Variants in MSRB3 observed in about 807,000 individuals in gnomAD.
The protein encoded by MSRB3 is methionine-R-sulfoxide reductase B3.
MSRB3 carries 13 observed loss-of-function variants against 21.0 expected under a neutral mutation model. That is an observed-to-expected ratio of 0.62 (90% confidence interval 0.40 to 0.98). The LOEUF (loss-of-function observed/expected upper bound fraction) is 0.98. Ranked by LOEUF, MSRB3 falls within the 50% of genes least tolerant of loss-of-function variation. The pLI, the probability that MSRB3 is intolerant of heterozygous loss-of-function variation, is 0.00. For missense variants in MSRB3, 199 were observed against 230.3 expected (o/e 0.86, Z 0.88); for synonymous variants, 87 against 88.6 (o/e 0.98, Z 0.10).
intron 6 of MSRB3, among the ~76,000 whole-genome samples, chr12:65,456,099 A>C (rs897764356): frequency 6.6e-6 from 1 of 152,230 alleles, no homozygotes; most frequent in African/African-American, 2.4e-5. Context: ...ACAAAAAGGT[A>C]AACTATAAGT....
intron 5 of MSRB3, chr12:65,418,651 G>GA (rs988581387): frequency 5.9e-6 from 3 of 505,226 alleles, no homozygotes; most frequent in Non-Finnish European, 1.1e-5. Context: ...TCCATTTTGA[G>GA]TTTTTTTTTT....
At chr12:65,340,603 T>C (rs147392980) in intron 4 of MSRB3, among the ~76,000 whole-genome samples, 1 of 151,952 alleles carries the variant, frequency 6.6e-6, no homozygotes, top group Non-Finnish European at 1.5e-5. Flanking sequence ...TAAATTAACA[T>C]GAAAAATAAA....
intron 5 of MSRB3, 76 bp from the exon 6 acceptor site, chr12:65,453,652 T>G (rs1397486458): frequency 9.3e-7 from 1 of 1,076,638 alleles, no homozygotes; most frequent in Non-Finnish European, 1.4e-6. Context: ...TGCTTAGTAT[T>G]TCTTTAAAAT....
At chr12:65,287,776 A>G (rs1210687825) in intron 1 of MSRB3, among the ~76,000 whole-genome samples, 1 of 152,122 alleles carries the variant, frequency 6.6e-6, no homozygotes, top group African/African-American at 2.4e-5. Context: ...GAGCATGTTT[A>G]CCTGCGTGCA....
intron 4 of MSRB3, among the ~76,000 whole-genome samples, chr12:65,352,626 C>T (rs1249718718): frequency 6.6e-6 from 1 of 151,428 alleles, no homozygotes; most frequent in Admixed American, 6.6e-5. Flanking sequence ...TCTCAGGATA[C>T]AAAATCAATG....
At chr12:65,440,464 A>G (rs1486423957) in intron 5 of MSRB3, among the ~76,000 whole-genome samples, 1 of 151,866 alleles carries the variant, frequency 6.6e-6, no homozygotes. Flanking sequence ...TAAGAAGAAA[A>G]CAATTTCTTC....
intron 4 of MSRB3, among the ~76,000 whole-genome samples, chr12:65,362,012 C>G (rs1204404325): frequency 6.6e-6 from 1 of 152,084 alleles, no homozygotes; most frequent in African/African-American, 2.4e-5. Flanking sequence ...CAGTGAATAG[C>G]TAACTCATAA....
chr12:65,434,354 C>T (rs1882023580), intron 5 of MSRB3, among the ~76,000 whole-genome samples: 2 of 151,852 alleles, frequency 1.3e-5, no homozygotes, highest in Non-Finnish European at 2.9e-5. Flanking sequence ...TCTAGAATAT[C>T]CTTTAGATCA....
intron 4 of MSRB3, among the ~76,000 whole-genome samples, chr12:65,329,535 A>C (rs148587406): frequency 6.6e-6 from 1 of 151,974 alleles, no homozygotes; most frequent in Non-Finnish European, 1.5e-5. Flanking sequence ...CTGTAGTCCC[A>C]GCTACTCGGG....
chr12:65,325,776 A>T (rs1592526734), intron 2 of MSRB3, among the ~76,000 whole-genome samples: 1 of 152,192 alleles, frequency 6.6e-6, no homozygotes, highest in Non-Finnish European at 1.5e-5. Context: ...GACCATCTGC[A>T]GGCCTCTTTC....
chr12:65,309,455 TG>T (rs1474346703), intron 2 of MSRB3, among the ~76,000 whole-genome samples: 1 of 152,186 alleles, frequency 6.6e-6, no homozygotes, highest in Non-Finnish European at 1.5e-5. Context: ...TGCCAGGCAT[TG>T]TGTTAAGCAG....
intron 5 of MSRB3, among the ~76,000 whole-genome samples, chr12:65,410,532 T>C (rs1158184484): frequency 1.3e-5 from 2 of 151,976 alleles, no homozygotes; most frequent in Non-Finnish European, 2.9e-5. Context: ...TAGTCACAGC[T>C]ACTTGGGGGG....
At chr12:65,314,524 T>C (rs765592914) in intron 2 of MSRB3, among the ~76,000 whole-genome samples, 9 of 152,160 alleles carry the variant, frequency 5.9e-5, no homozygotes, top group Non-Finnish European at 1.3e-4. Flanking sequence ...GAAAAGTTGC[T>C]GTGCAGCATC....
At chr12:65,288,964 A>G (rs559686173) in intron 1 of MSRB3, among the ~76,000 whole-genome samples, 1 of 152,360 alleles carries the variant, frequency 6.6e-6, no homozygotes, top group African/African-American at 2.4e-5. Context: ...TATAGTGTCT[A>G]TATAAGGTAT....
chr12:65,425,039 A>T (rs182708138), intron 5 of MSRB3, among the ~76,000 whole-genome samples: 2,421 of 109,548 alleles, frequency 0.022, no homozygotes, highest in Non-Finnish European at 0.028. Flanking sequence ...TTTTGGTTTT[A>T]TATGTATATT....
intron 1 of MSRB3, among the ~76,000 whole-genome samples, chr12:65,301,370 A>G (rs1873321372): frequency 6.6e-6 from 1 of 152,210 alleles, no homozygotes; most frequent in Non-Finnish European, 1.5e-5. Flanking sequence ...GTATTCATCT[A>G]TCAAGAAATG....
At chr12:65,408,146 G>A (rs1025128536) in intron 5 of MSRB3, among the ~76,000 whole-genome samples, 1 of 152,060 alleles carries the variant, frequency 6.6e-6, no homozygotes, top group African/African-American at 2.4e-5. Context: ...CCAGGCTGGA[G>A]TGCAATGGTG....
chr12:65,319,991 A>C (rs979752024), intron 2 of MSRB3, among the ~76,000 whole-genome samples: 1 of 152,162 alleles, frequency 6.6e-6, no homozygotes, highest in Non-Finnish European at 1.5e-5. Context: ...TCATTCAACT[A>C]TGCAGCACTA....
At chr12:65,353,810 C>T (rs1432062352) in intron 4 of MSRB3, among the ~76,000 whole-genome samples, 1 of 152,178 alleles carries the variant, frequency 6.6e-6, no homozygotes, top group Non-Finnish European at 1.5e-5. Flanking sequence ...GATGCAGTTT[C>T]TTCTTAGCCT....
Sources: gnomAD v4.1 joint callset for allele counts (sites outside exome capture counted in the v4.1 genomes callset) on GRCh38, gnomAD v4.1.1 for gene constraint, MANE v1.5 for transcripts, NCBI Gene and HGNC (gene_info 2026-07-23, HGNC 2026-07-21) for gene names.